Variants in PAPPA observed in about 807,000 individuals in gnomAD.
The protein encoded by PAPPA is pappalysin-1.
A neutral mutation model predicts 164.0 loss-of-function variants in PAPPA; 60 were observed. That is an observed-to-expected ratio of 0.37 (90% CI 0.30 to 0.45). PAPPA has a LOEUF of 0.45. Ranked by LOEUF, PAPPA falls within the 20% of genes least tolerant of loss-of-function variation. The pLI is 1.00. For synonymous variants in PAPPA, 875 were observed against 814.1 expected (o/e 1.07, Z -1.27); for missense variants, 1,782 against 2,087.3 (o/e 0.85, Z 2.85).
In PAPPA at chr9:116,400,715, AG is replaced by A. The variant is rs1275324807; in HGVS notation, c.*4100del. 1 of 152,270 alleles carries A rather than the reference AG, an allele frequency of 6.6e-6. No individual in the cohort carries two copies. The highest frequency in any genetic ancestry group is 2.4e-5 in the African/African-American group (1 of 41,470). The allele number at this position is 152,270 out of a possible 1,614,324, so 9.4% of individuals were successfully genotyped here. On this transcript the variant is annotated 3_prime_UTR_variant, in exon 22 of 22. Coordinates refer to ENST00000328252, the MANE Select transcript of PAPPA (RefSeq NM_002581.5). Reference sequence around the variant, plus strand: ...AAAAACCAAATAGCAAATGAATAAAAGCCTGTTCTTGTAACTTATTCAACTT... The same window carrying A: ...AAAAACCAAATAGCAAATGAATAAAACCTGTTCTTGTAACTTATTCAACTT...
chr9:116,225,480 T>C (rs1444618352), intron 5 of PAPPA, among the ~76,000 whole-genome samples: 1 of 152,230 alleles, frequency 6.6e-6, no homozygotes, highest in Non-Finnish European at 1.5e-5. Context: ...TTTTGTTTCA[T>C]AGTGTTATTT....
At chr9:116,304,536 T>C (rs1256148069) in intron 10 of PAPPA, among the ~76,000 whole-genome samples, 1 of 152,180 alleles carries the variant, frequency 6.6e-6, no homozygotes, top group Non-Finnish European at 1.5e-5. Context: ...ACTCAGAACC[T>C]CCCATGAGGA....
rs1845062076 is a variant in PAPPA, at chr9:116,265,876, G to A, written c.2752G>A (p.Val918Met). 5.0e-6 allele frequency: 8 copies of A among 1,606,202 alleles called. No individual in the cohort carries two copies. Among genetic ancestry groups the A allele is most frequent in the Non-Finnish European group, 6.0e-6 (7 of 1,173,392 alleles). ...FVDMDLNLGSVYQYWVITISG... is the reference protein window; with the variant it reads ...FVDMDLNLGSMYQYWVITISG... ...TTCCAGGGATCTAAATCTTGGCAGTGTGTACCAGTATTGGGTCATAACTAT... is the reference window on the plus strand; with the variant it reads ...TTCCAGGGATCTAAATCTTGGCAGTATGTACCAGTATTGGGTCATAACTAT... Residue 918 changes from valine to methionine, a missense_variant, in exon 8 of 22, where the codon GTG becomes ATG. Coordinates refer to ENST00000328252, the MANE Select transcript of PAPPA (RefSeq NM_002581.5).
chr9:116,397,663 G>A lies in PAPPA; in HGVS notation c.*1047G>A, dbSNP rs1846983445. On this transcript the variant is annotated 3_prime_UTR_variant, in exon 22 of 22. Transcript: ENST00000328252. ...TTCCTGTAAGTGGGCCTCTCACCCT[G>A]GAAAGGAGTTGAGGGACATCAGATG... The A allele has an allele frequency of 6.6e-6, 1 of 152,586 alleles. No individual in the cohort carries two copies. The highest frequency in any genetic ancestry group is 2.4e-5 in the African/African-American group (1 of 41,454). The allele number at this position is 152,586 out of a possible 1,614,324, so 9.5% of individuals were successfully genotyped here.
At chr9:116,374,971 T>C (rs981636065) in intron 19 of PAPPA, among the ~76,000 whole-genome samples, 17 of 152,390 alleles carry the variant, frequency 1.1e-4, no homozygotes, top group Admixed American at 1.0e-3. Flanking sequence ...TTCATGTATT[T>C]CTTCACTGTG....
At chr9:116,262,549 C>G (rs984225176) in intron 7 of PAPPA, among the ~76,000 whole-genome samples, 4 of 152,156 alleles carry the variant, frequency 2.6e-5, no homozygotes, top group Non-Finnish European at 5.9e-5. Flanking sequence ...TAAGAATATT[C>G]TGACGATGTT....
At chr9:116,173,359 G>A (rs1253678606) in intron 1 of PAPPA, among the ~76,000 whole-genome samples, 1 of 152,156 alleles carries the variant, frequency 6.6e-6, no homozygotes, top group South Asian at 2.1e-4. Context: ...AATGACTCCA[G>A]ATTGCCACAT....
At chr9:116,297,621 C>A (rs1434799602) in intron 9 of PAPPA, among the ~76,000 whole-genome samples, 1 of 152,142 alleles carries the variant, frequency 6.6e-6, no homozygotes, top group Non-Finnish European at 1.5e-5. Flanking sequence ...TCAATATATT[C>A]TTTTCTTTAG....
chr9:116,336,323 C>T (rs1440323602), intron 13 of PAPPA, among the ~76,000 whole-genome samples: 1 of 152,164 alleles, frequency 6.6e-6, no homozygotes, highest in Non-Finnish European at 1.5e-5. Flanking sequence ...GCAAAATCCA[C>T]ATTGTTTAGT....
intron 1 of PAPPA, among the ~76,000 whole-genome samples, chr9:116,184,907 C>T (rs1487132537): frequency 6.6e-6 from 1 of 152,132 alleles, no homozygotes; most frequent in Non-Finnish European, 1.5e-5. Flanking sequence ...ACTGGAATGA[C>T]ACAGACACAA....
intron 9 of PAPPA, among the ~76,000 whole-genome samples, chr9:116,296,764 T>C (rs568556003): frequency 6.6e-6 from 1 of 152,182 alleles, no homozygotes; most frequent in South Asian, 2.1e-4. Context: ...TGAAACGGAA[T>C]TGTTCGTGTG....
intron 1 of PAPPA, among the ~76,000 whole-genome samples, chr9:116,182,468 T>C (rs1035183325): frequency 6.6e-6 from 1 of 152,138 alleles, no homozygotes; most frequent in African/African-American, 2.4e-5. Flanking sequence ...AGGAGTATGA[T>C]GAATATACAG....
At chr9:116,343,620 G>A (rs903297980) in intron 13 of PAPPA, among the ~76,000 whole-genome samples, 2 of 152,160 alleles carry the variant, frequency 1.3e-5, no homozygotes, top group Non-Finnish European at 2.9e-5. Flanking sequence ...CACCTCAGTT[G>A]AGTCTCGTGG....
At chr9:116,246,347 G>A (rs1257095123) in intron 7 of PAPPA, among the ~76,000 whole-genome samples, 1 of 152,110 alleles carries the variant, frequency 6.6e-6, no homozygotes, top group African/African-American at 2.4e-5. Flanking sequence ...AGGACTATTT[G>A]TGTTATTATA....
At chr9:116,340,233 GT>G (rs1846118532) in intron 13 of PAPPA, among the ~76,000 whole-genome samples, 1 of 151,834 alleles carries the variant, frequency 6.6e-6, no homozygotes, top group Non-Finnish European at 1.5e-5. Flanking sequence ...TGTTTTCCTT[GT>G]TTTGTTTTTT....
intron 7 of PAPPA, among the ~76,000 whole-genome samples, chr9:116,246,048 C>T (rs1257012350): frequency 6.6e-6 from 1 of 152,092 alleles, no homozygotes; most frequent in African/African-American, 2.4e-5. Flanking sequence ...GTTAACATAA[C>T]CCTTCCTGGT....
chr9:116,291,014 C>A (rs1030906049), intron 9 of PAPPA, among the ~76,000 whole-genome samples: 23 of 152,084 alleles, frequency 1.5e-4, no homozygotes, highest in African/African-American at 5.3e-4. Flanking sequence ...TCTTTCATAT[C>A]TTGAGATATC....
Position 116,265,845 on chromosome 9 carries a change from T to C in PAPPA, c.2733-12T>C. ...TGTAATTGTATAATTATGTCTTCTTTGTATTTTCCAGGGATCTAAATCTTG... is the reference window on the plus strand; with the variant it reads ...TGTAATTGTATAATTATGTCTTCTTCGTATTTTCCAGGGATCTAAATCTTG... On this transcript the variant is annotated splice_polypyrimidine_tract_variant and intron_variant, in intron 7 of 21. Coordinates refer to ENST00000328252, the MANE Select transcript of PAPPA (RefSeq NM_002581.5). 6.3e-7 allele frequency: 1 copy of C among 1,586,212 alleles called. No homozygotes were observed. Among genetic ancestry groups the C allele is most frequent in the Non-Finnish European group, 8.6e-7 (1 of 1,157,980 alleles).
intron 6 of PAPPA, among the ~76,000 whole-genome samples, chr9:116,234,439 C>G (rs1844635128): frequency 6.6e-6 from 1 of 152,116 alleles, no homozygotes; most frequent in Non-Finnish European, 1.5e-5. Context: ...TGCCTTCCAG[C>G]TCTGTTGTTC....
Sources: allele counts gnomAD v4.1 joint callset (sites outside exome capture counted in the v4.1 genomes callset), GRCh38; gene constraint gnomAD v4.1.1; transcripts MANE v1.5; gene names NCBI Gene and HGNC (gene_info 2026-07-23, HGNC 2026-07-21).